The following NBAS variants were observed in gnomAD, a reference collection of about 807,000 sequenced individuals.
NBAS encodes NAG/BC035112 fusion.
A neutral mutation model predicts 302.5 loss-of-function variants in NBAS; 219 were observed. That is an observed-to-expected ratio of 0.72 (90% CI 0.65 to 0.81). The LOEUF is 0.81. Ranked by LOEUF, NBAS falls within the 30% of genes least tolerant of loss-of-function variation. NBAS has a pLI of 0.00. For missense variants in NBAS, 2,932 were observed against 2,841.6 expected (o/e 1.03, Z -0.72); for synonymous variants, 1,118 against 1,021.6 (o/e 1.09, Z -1.80).
the NBAS span, among the ~76,000 whole-genome samples, chr2:15,013,799 T>C: frequency 1.3e-5 from 2 of 151,730 alleles, no homozygotes; most frequent in Non-Finnish European, 2.9e-5. Flanking sequence ...ATTAATTAAT[T>C]AATTAAAATA....
At chr2:15,199,080 T>C (rs1178134800) in intron 48 of NBAS, among the ~76,000 whole-genome samples, 2 of 146,042 alleles carry the variant, frequency 1.4e-5, no homozygotes, top group African/African-American at 2.6e-5. Flanking sequence ...TGAGCTGAGA[T>C]TGTGCCACTG....
At chr2:15,205,854 C>T (rs1487601557) in intron 48 of NBAS, among the ~76,000 whole-genome samples, 10 of 152,086 alleles carry the variant, frequency 6.6e-5, no homozygotes, top group Admixed American at 6.5e-4. Flanking sequence ...AAGTTTCCGC[C>T]ATGTGGAACT....
intron 44 of NBAS, among the ~76,000 whole-genome samples, chr2:15,255,910 T>C (rs760561729): frequency 1.1e-4 from 17 of 152,230 alleles, no homozygotes; most frequent in Non-Finnish European, 2.1e-4. Flanking sequence ...TTGGTCTATA[T>C]GCATATTTTC....
chr2:15,335,212 T>C (rs1408544500), intron 35 of NBAS, among the ~76,000 whole-genome samples: 2 of 151,394 alleles, frequency 1.3e-5, no homozygotes, highest in Non-Finnish European at 2.9e-5. Flanking sequence ...TTCAAGTCAT[T>C]ACTATGTCAT....
intron 44 of NBAS, among the ~76,000 whole-genome samples, chr2:15,258,960 C>T (rs1396136242): frequency 1.3e-5 from 2 of 152,172 alleles, no homozygotes; most frequent in Non-Finnish European, 2.9e-5. Flanking sequence ...GATGTCACCC[C>T]TAGCGGCCCA....
intron 21 of NBAS, among the ~76,000 whole-genome samples, chr2:15,449,721 G>C (rs764284360): frequency 6.6e-6 from 1 of 152,174 alleles, no homozygotes; most frequent in Non-Finnish European, 1.5e-5. Context: ...AATAGAGGCT[G>C]TTAGGCCTTT....
At position 15,488,092 on chromosome 2, in the gene NBAS, C is replaced by G. The variant is rs552621788; in HGVS notation, c.1083+802G>C. Among the ~76,000 whole-genome samples the G allele has an allele frequency of 3.3e-5, 5 of 152,276 alleles. 1 individual carries two copies. In the South Asian group the frequency reaches 1.0e-3, roughly 32 times the overall value. On this transcript the variant is annotated intron_variant, in intron 12 of 51. Transcript: ENST00000281513. ...ATGACATTGATCCATTCAGGTCATT[C>G]AGGAAATAGGCTCTAATATGAAAAT...
Position 15,468,397 on chromosome 2 carries a change from C to T in NBAS, c.1862G>A (p.Gly621Glu), listed in dbSNP as rs1434955691. The T allele has an allele frequency of 2.2e-5, 35 of 1,614,076 alleles. No homozygotes were observed. The highest frequency in any genetic ancestry group is 2.8e-5 in the Non-Finnish European group (33 of 1,179,972). The change falls in exon 17 of 52, where the codon GGA becomes GAA. Residue 621 changes from glycine to glutamate, a missense_variant. Transcript: ENST00000281513. ...DLEALLAIGKGADDGRFTLPG... is the reference protein window; with the variant it reads ...DLEALLAIGKEADDGRFTLPG... ...TGTAACCAACCTGCCATCATCTGCT[C>T]CTTTCCCTATTGCTAAAAGAGCCTC... is the stretch of plus-strand genomic sequence containing the variant.
intron 32 of NBAS, among the ~76,000 whole-genome samples, chr2:15,363,662 G>C (rs1388110729): frequency 6.6e-6 from 1 of 152,102 alleles, no homozygotes; most frequent in Admixed American, 6.5e-5. Context: ...GGACAAAGAA[G>C]GAACTGAGAT....
At chr2:15,113,320 C>CGTGTGTGTGT in the NBAS span, among the ~76,000 whole-genome samples, 24,854 of 129,614 alleles carry the variant, frequency 0.19, 3,018 homozygotes, top group Middle Eastern at 0.28. Context: ...GGTATGAACT[C>CGTGTGTGTGT]GTGTGTGTGT....
At chr2:14,835,876 G>A in the NBAS span, among the ~76,000 whole-genome samples, 1 of 151,902 alleles carries the variant, frequency 6.6e-6, no homozygotes, top group Non-Finnish European at 1.5e-5. Flanking sequence ...CTCAACTTAC[G>A]TAGAAAATGT....
intron 36 of NBAS, 22 bp downstream of exon 36, chr2:15,330,576 A>G (rs747818285): frequency 2.5e-6 from 4 of 1,613,186 alleles, no homozygotes; most frequent in Non-Finnish European, 3.4e-6. Context: ...GTTGATTTTA[A>G]AAAGAAAGAT....
At chr2:15,032,637 C>G in the NBAS span, among the ~76,000 whole-genome samples, 122,325 of 152,144 alleles carry the variant, frequency 0.8, 49,705 homozygotes, top group East Asian at 1. Flanking sequence ...TTTGGCCTAT[C>G]TATATTGCAA....
intron 48 of NBAS, 39 bp downstream of exon 48, chr2:15,218,734 T>C (rs1356222049): frequency 5.6e-6 from 9 of 1,613,592 alleles, no homozygotes; most frequent in East Asian, 4.5e-5. Context: ...GGCCTAATTA[T>C]TGTTAGTAAG....
intron 26 of NBAS, among the ~76,000 whole-genome samples, chr2:15,397,165 C>A (rs1412238112): frequency 6.6e-6 from 1 of 152,078 alleles, no homozygotes; most frequent in Non-Finnish European, 1.5e-5. Flanking sequence ...AAGTATGGCA[C>A]AACATATGTG....
In NBAS at chr2:15,474,274, T is replaced by A. The variant is rs1431051634; in HGVS notation, c.1392A>T (p.Gly464=). 1 of 1,613,950 alleles carries A rather than the reference T, an allele frequency of 6.2e-7. No homozygotes were observed. The highest frequency in any genetic ancestry group is 1.1e-5 in the South Asian group (1 of 91,064). ...AATCCTCTTCTCCTTCATCTTCTTC[T>A]CCAGCTCTAGTCTCCAAACGAGATC... ...PKRSRLETRA[G]EEDEGEEDSD... The change falls in exon 15 of 52, where the codon GGA becomes GGT. Residue 464 remains glycine (G), a synonymous_variant. Transcript: ENST00000281513.
At chr2:15,014,084 A>C in the NBAS span, among the ~76,000 whole-genome samples, 684 of 152,274 alleles carry the variant, frequency 4.5e-3, 2 homozygotes, top group Non-Finnish European at 7.2e-3. Context: ...AAAGGGATAG[A>C]TTCAGTGAGA....
At chr2:14,977,339 A>G in the NBAS span, among the ~76,000 whole-genome samples, 5 of 152,356 alleles carry the variant, frequency 3.3e-5, no homozygotes, top group East Asian at 9.6e-4. Flanking sequence ...GCACAAAAAA[A>G]GTAATAATAG....
At chr2:14,803,170 C>T in the NBAS span, among the ~76,000 whole-genome samples, 2 of 152,198 alleles carry the variant, frequency 1.3e-5, no homozygotes, top group Admixed American at 6.5e-5. Context: ...TTTCTGAATA[C>T]TTTACCTAAT....
Sources: gnomAD v4.1 joint callset for allele counts (sites outside exome capture counted in the v4.1 genomes callset) on GRCh38, gnomAD v4.1.1 for gene constraint, MANE v1.5 for transcripts, NCBI Gene and HGNC (gene_info 2026-07-23, HGNC 2026-07-21) for gene names.